RP1: variants seen among roughly 807,000 people sequenced by gnomAD.
RP1 encodes the protein RP1 axonemal microtubule associated, also known as oxygen-regulated protein 1.
RP1 carries 16 observed loss-of-function variants against 14.8 expected under a neutral mutation model. That is an observed-to-expected ratio of 1.08 (90% confidence interval 0.73 to 1.65). The LOEUF (loss-of-function observed/expected upper bound fraction) is 1.65, where lower values mean the gene tolerates loss of function less well. Ranked by LOEUF, RP1 falls within the 40% of genes most tolerant of loss-of-function variation. The probability of loss-of-function intolerance (pLI) is 0.00; values close to 1 mark genes in which losing one functional copy is unlikely to be tolerated. For synonymous variants in RP1, 876 were observed against 883.6 expected (o/e 0.99, Z 0.15); for missense variants, 2,631 against 2,535.0 (o/e 1.04, Z -0.81).
At chr8:54,678,782 C>A (rs1405239676) in intron 9 of RP1, among the ~76,000 whole-genome samples, 2 of 151,926 alleles carry the variant, frequency 1.3e-5, no homozygotes, top group Non-Finnish European at 2.9e-5. Context: ...AAAATATTAC[C>A]TCTCTGTACA....
chr8:54,834,079 T>TAG (rs1811602224), intron 24 of RP1, among the ~76,000 whole-genome samples: 1 of 152,020 alleles, frequency 6.6e-6, no homozygotes, highest in Non-Finnish European at 1.5e-5. Flanking sequence ...GTTAAGGGTC[T>TAG]AGTGGGGAAT....
intron 19 of RP1, among the ~76,000 whole-genome samples, chr8:54,743,527 G>A (rs137958527): frequency 2.0e-4 from 31 of 152,136 alleles, no homozygotes; most frequent in South Asian, 1.5e-3. Flanking sequence ...TCATACCAGC[G>A]TGTACTTGCA....
intron 22 of RP1, among the ~76,000 whole-genome samples, chr8:54,763,815 A>C (rs890837613): frequency 6.6e-6 from 1 of 152,228 alleles, no homozygotes; most frequent in Admixed American, 6.5e-5. Flanking sequence ...CCTGAGGAAT[A>C]AGGACATAAT....
chr8:54,797,238 A>T (rs1419855533), intron 24 of RP1, among the ~76,000 whole-genome samples: 3 of 152,198 alleles, frequency 2.0e-5, no homozygotes, highest in Admixed American at 6.5e-5. Flanking sequence ...AGCTACCAAA[A>T]ATGCAGTTGG....
intron 4 of RP1, among the ~76,000 whole-genome samples, chr8:54,652,607 T>C (rs1460361581): frequency 2.6e-5 from 4 of 152,210 alleles, no homozygotes; most frequent in Admixed American, 6.5e-5. Context: ...TCAGTTCTGT[T>C]AAATTTTGCT....
chr8:54,792,782 T>A (rs1810498274), intron 24 of RP1, among the ~76,000 whole-genome samples: 1 of 149,466 alleles, frequency 6.7e-6, no homozygotes, highest in African/African-American at 2.5e-5. Context: ...CTTCGAGGAA[T>A]CAGAAAAATA....
chr8:54,657,040 A>C (rs1407393610), intron 6 of RP1, among the ~76,000 whole-genome samples: 2 of 152,166 alleles, frequency 1.3e-5, no homozygotes, highest in East Asian at 3.9e-4. Flanking sequence ...TGTGGTTTTA[A>C]ATAAGGTGTG....
At chr8:54,771,356 T>G (rs1317516103), downstream of RP1, among the ~76,000 whole-genome samples, 1 of 152,032 alleles carries the variant, frequency 6.6e-6, no homozygotes, top group African/African-American at 2.4e-5. Flanking sequence ...CATATGTGGG[T>G]AATAAAGGCT....
chr8:54,825,958 C>T (rs1811379132), intron 24 of RP1, among the ~76,000 whole-genome samples: 1 of 151,914 alleles, frequency 6.6e-6, no homozygotes, highest in South Asian at 2.1e-4. Flanking sequence ...GTCCTCGTTA[C>T]TTGGGAGGCT....
At chr8:54,635,110 A>G (rs1806322321), downstream of RP1, among the ~76,000 whole-genome samples, 1 of 152,106 alleles carries the variant, frequency 6.6e-6, no homozygotes, top group Non-Finnish European at 1.5e-5. Flanking sequence ...GTAATATACA[A>G]TGATTATTTT....
intron 24 of RP1, among the ~76,000 whole-genome samples, chr8:54,807,674 C>G (rs1318790105): frequency 1.3e-5 from 1 of 75,902 alleles, no homozygotes; most frequent in Non-Finnish European, 2.6e-5. Context: ...ATCTATCTAT[C>G]TATTTATCTA....
chr8:54,617,994 G>C (rs1184549460), intron 1 of RP1, among the ~76,000 whole-genome samples: 1 of 152,152 alleles, frequency 6.6e-6, no homozygotes, highest in Non-Finnish European at 1.5e-5. Flanking sequence ...CACCTACAAG[G>C]ATGCAGAATC....
chr8:54,600,997 C>T (rs769654454), intron 1 of RP1, among the ~76,000 whole-genome samples: 3 of 152,050 alleles, frequency 2.0e-5, no homozygotes, highest in South Asian at 2.1e-4. Context: ...ATATAATGTC[C>T]GGGGTTTTCG....
At chr8:54,638,099 AATCTT>A (rs1283939603) in intron 3 of RP1, among the ~76,000 whole-genome samples, 2 of 152,088 alleles carry the variant, frequency 1.3e-5, no homozygotes, top group African/African-American at 2.4e-5. Context: ...TGTTTATTGA[AATCTT>A]AGTTTAGGCC....
At chr8:54,711,000 A>C (rs570410856) in intron 15 of RP1, among the ~76,000 whole-genome samples, 2 of 152,012 alleles carry the variant, frequency 1.3e-5, no homozygotes, top group African/African-American at 4.8e-5. Flanking sequence ...GCCAGGGGCC[A>C]CTCCTGTCTG....
At chr8:54,569,947 A>G (rs1804485850) in intron 1 of RP1, among the ~76,000 whole-genome samples, 1 of 152,154 alleles carries the variant, frequency 6.6e-6, no homozygotes, top group African/African-American at 2.4e-5. Flanking sequence ...CTGGAGGACG[A>G]GTGGGAGTAT....
chr8:54,688,614 G>C (rs937492187), intron 12 of RP1, among the ~76,000 whole-genome samples: 14 of 152,316 alleles, frequency 9.2e-5, no homozygotes, highest in Middle Eastern at 3.4e-3. Context: ...TCAAAGATCA[G>C]ATGGTTGTAG....
chr8:54,841,676 G>T (rs1040370590), intron 25 of RP1, among the ~76,000 whole-genome samples: 2 of 152,200 alleles, frequency 1.3e-5, no homozygotes, highest in African/African-American at 4.8e-5. Context: ...CGCGGTGTTG[G>T]TTGGGAGCAG....
chr8:54,769,609 A>G (rs1809851824), intron 22 of RP1: 1 of 646,922 alleles, frequency 1.5e-6, no homozygotes, highest in African/African-American at 1.8e-5. Context: ...TATAAAAAGC[A>G]ACTTTATAGT....
Sources: gnomAD v4.1 joint callset for allele counts (sites outside exome capture counted in the v4.1 genomes callset) on GRCh38, gnomAD v4.1.1 for gene constraint, MANE v1.5 for transcripts, NCBI Gene and HGNC (gene_info 2026-07-23, HGNC 2026-07-21) for gene names.